Variants in SERPINI1 observed in about 807,000 individuals in gnomAD.
SERPINI1 encodes the protein serpin family I member 1.
Under a neutral mutation model 41.1 loss-of-function variants are expected in SERPINI1, and 19 were observed. The observed-to-expected ratio is 0.46, with a 90% confidence interval of 0.32 to 0.68. The LOEUF (loss-of-function observed/expected upper bound fraction) is 0.68. Ranked by LOEUF, SERPINI1 falls within the 30% of genes least tolerant of loss-of-function variation. The pLI is 0.03. For synonymous variants in SERPINI1, 138 were observed against 156.6 expected (o/e 0.88, Z 0.89); for missense variants, 460 against 479.2 (o/e 0.96, Z 0.37).
At position 167,786,369 on chromosome 3, in the gene SERPINI1, G is replaced by A. The variant is rs186941754; in HGVS notation, c.-18-2742G>A. Among the ~76,000 whole-genome samples, 124 of 152,108 alleles carry A rather than the reference G, an allele frequency of 8.2e-4. 1 individual carries two copies. The highest frequency in any genetic ancestry group is 2.5e-3 in the African/African-American group (103 of 41,492). On this transcript the variant is annotated intron_variant, in intron 1 of 8. Transcript: ENST00000446050. ...AATACAAAAAAAAAATTAGCCGGGC[G>A]TTGTGGCAGGCGCCTGTAGTCCCAG...
chr3:167,815,057 A>G (rs1013044108), intron 6 of SERPINI1, among the ~76,000 whole-genome samples: 1 of 152,196 alleles, frequency 6.6e-6, no homozygotes, highest in African/African-American at 2.4e-5. Context: ...TTCTGATTCA[A>G]TTTATCAAAT....
chr3:167,751,601 A>G (rs1726050896), intron 1 of SERPINI1, among the ~76,000 whole-genome samples: 1 of 152,194 alleles, frequency 6.6e-6, no homozygotes, highest in African/African-American at 2.4e-5. Flanking sequence ...TCCGCTAAAT[A>G]TATAGATTTA....
At chr3:167,789,599 A>G (rs942655032) in intron 2 of SERPINI1, among the ~76,000 whole-genome samples, 2 of 152,224 alleles carry the variant, frequency 1.3e-5, no homozygotes, top group Admixed American at 6.5e-5. Flanking sequence ...AAAAATTATT[A>G]TGATTTACAT....
At chr3:167,825,016 C>T (rs1712466548) in intron 8 of SERPINI1, among the ~76,000 whole-genome samples, 1 of 151,730 alleles carries the variant, frequency 6.6e-6, no homozygotes, top group South Asian at 2.1e-4. Flanking sequence ...CACTGCACTC[C>T]AGCCTGGGCA....
At chr3:167,817,894 C>T (rs557392832) in intron 6 of SERPINI1, among the ~76,000 whole-genome samples, 23 of 151,974 alleles carry the variant, frequency 1.5e-4, no homozygotes, top group South Asian at 6.2e-4. Flanking sequence ...CCACCGCGCC[C>T]GGCCAAATTT....
At chr3:167,755,417 A>C (rs1423740558) in intron 1 of SERPINI1, among the ~76,000 whole-genome samples, 1 of 152,204 alleles carries the variant, frequency 6.6e-6, no homozygotes, top group African/African-American at 2.4e-5. Flanking sequence ...TTACTGGTAA[A>C]AATAAGTTCT....
At position 167,755,197 on chromosome 3, in the gene SERPINI1, A is replaced by G. The variant is rs1026506851; in HGVS notation, c.-19+19374A>G. 4.6e-5 allele frequency among the ~76,000 whole-genome samples: 7 copies of G among 152,332 alleles called. 1 individual carries two copies. The highest frequency in any genetic ancestry group is 4.1e-4 in the South Asian group (2 of 4,828). On this transcript the variant is annotated intron_variant, in intron 1 of 8. Coordinates refer to ENST00000446050, the MANE Select transcript of SERPINI1 (RefSeq NM_001122752.2). ...TTAGCTGTATGGGAAAGAATCATGC[A>G]TATTAATCCATGACCTATTTCAGGA... is the stretch of plus-strand genomic sequence containing the variant.
intron 1 of SERPINI1, among the ~76,000 whole-genome samples, chr3:167,745,994 T>G (rs1022052713): frequency 2.6e-5 from 4 of 152,134 alleles, no homozygotes; most frequent in African/African-American, 9.6e-5. Context: ...TTCTCCAAAT[T>G]AATATGCAGA....
At chr3:167,756,998 A>G (rs1246900373) in intron 1 of SERPINI1, among the ~76,000 whole-genome samples, 1 of 152,240 alleles carries the variant, frequency 6.6e-6, no homozygotes, top group Non-Finnish European at 1.5e-5. Flanking sequence ...AAATTCAGTG[A>G]GTAATAAAAC....
chr3:167,760,893 G>T (rs1157710703), intron 1 of SERPINI1, among the ~76,000 whole-genome samples: 1 of 152,162 alleles, frequency 6.6e-6, no homozygotes, highest in Non-Finnish European at 1.5e-5. Flanking sequence ...ATTATTTTCT[G>T]CAGGGTGGGT....
chr3:167,799,547 G>A (rs1362684958), intron 5 of SERPINI1, among the ~76,000 whole-genome samples: 1 of 152,034 alleles, frequency 6.6e-6, no homozygotes, highest in Admixed American at 6.6e-5. Context: ...TAATCCTTTG[G>A]GTATATACCC....
chr3:167,739,335 C>T (rs1339678900), intron 1 of SERPINI1, among the ~76,000 whole-genome samples: 1 of 152,152 alleles, frequency 6.6e-6, no homozygotes, highest in Non-Finnish European at 1.5e-5. Context: ...GTAATGCACA[C>T]ATTGAGACAG....
In SERPINI1 at chr3:167,824,561, T is replaced by G. The variant is rs915116545; in HGVS notation, c.1155T>G (p.Thr385=). 1.9e-6 allele frequency: 3 copies of G among 1,607,752 alleles called. No individual in the cohort carries two copies. The highest frequency in any genetic ancestry group is 2.7e-5 in the African/African-American group (2 of 74,804). ...PFFFLIRNRR[T]GTILFMGRVM... The stretch of plus-strand genomic sequence containing the variant: ...TCTTTCTTATCAGAAACAGGAGAAC[T>G]GGTAAGTTTATTATGAAAACAAAAT... Residue 385 remains threonine, a splice_region_variant and synonymous_variant, in exon 8 of 9, where the codon ACT becomes ACG. Coordinates refer to ENST00000446050, the MANE Select transcript of SERPINI1 (RefSeq NM_001122752.2).
chr3:167,824,669 TTTTA>T (rs1712455384), intron 8 of SERPINI1, 107 bp downstream of exon 8: 3 of 667,722 alleles, frequency 4.5e-6, no homozygotes, highest in Admixed American at 5.3e-5. Flanking sequence ...CTTTTCACAA[TTTTA>T]TTTATTTATT....
At chr3:167,790,023 G>A (rs945742173) in intron 2 of SERPINI1, among the ~76,000 whole-genome samples, 1 of 152,040 alleles carries the variant, frequency 6.6e-6, no homozygotes, top group Non-Finnish European at 1.5e-5. Context: ...AAAATGTAAA[G>A]GATGATCTTG....
At chr3:167,737,187 A>T (rs1185127227) in intron 1 of SERPINI1, among the ~76,000 whole-genome samples, 1 of 152,106 alleles carries the variant, frequency 6.6e-6, no homozygotes, top group African/African-American at 2.4e-5. Context: ...AGTCCTACTG[A>T]GTGCTACTAC....
At chr3:167,753,532 G>A (rs1726108255) in intron 1 of SERPINI1, among the ~76,000 whole-genome samples, 1 of 152,140 alleles carries the variant, frequency 6.6e-6, no homozygotes, top group African/African-American at 2.4e-5. Flanking sequence ...TTTTACAAGA[G>A]TGATTCTCAG....
At chr3:167,801,351 C>A (rs1392154706) in intron 5 of SERPINI1, among the ~76,000 whole-genome samples, 3 of 151,970 alleles carry the variant, frequency 2.0e-5, no homozygotes, top group African/African-American at 4.8e-5. Context: ...AATAGGCATG[C>A]CCTTTGGCTT....
rs747514496 is a variant in SERPINI1, at chr3:167,789,248, T to G, written c.120T>G (p.Thr40=). The change falls in exon 2 of 9, where the codon ACT becomes ACG. Residue 40 remains threonine (T), a synonymous_variant. Transcript: ENST00000446050. The part of the protein sequence containing the change: ...SVNMYNRLRA[T]GEDENILFSP... ...ATATGTATAATCGTCTTAGAGCCAC[T>G]GGTGAAGATGAAAATATTCTCTTCT... 6.2e-7 allele frequency: 1 copy of G among 1,614,228 alleles called. No homozygotes were observed.
Sources: allele counts gnomAD v4.1 joint callset (sites outside exome capture counted in the v4.1 genomes callset), GRCh38; gene constraint gnomAD v4.1.1; transcripts MANE v1.5; gene names NCBI Gene and HGNC (gene_info 2026-07-23, HGNC 2026-07-21).